Variants in CUX1 observed in about 807,000 individuals in gnomAD.
The protein encoded by CUX1 is cut like homeobox 1, also known as protein CASP.
CUX1 carries 31 observed loss-of-function variants against 158.8 expected under a neutral mutation model. That is an observed-to-expected ratio of 0.20 (90% CI 0.15 to 0.26). The LOEUF is 0.26. Among genes scored for constraint, CUX1 ranks in the 10% least tolerant of loss-of-function variants. The pLI is 1.00. For synonymous variants in CUX1, 879 were observed against 862.1 expected (o/e 1.02, Z -0.34); for missense variants, 1,589 against 2,014.6 (o/e 0.79, Z 4.04).
chr7:102,132,925 C>T (rs1159176856), intron 8 of CUX1, among the ~76,000 whole-genome samples: 1 of 152,200 alleles, frequency 6.6e-6, no homozygotes, highest in African/African-American at 2.4e-5. Flanking sequence ...CCTGCCTCAG[C>T]CTCCCAAAGT....
intron 2 of CUX1, among the ~76,000 whole-genome samples, chr7:101,968,569 C>T (rs1426537593): frequency 6.6e-6 from 1 of 152,110 alleles, no homozygotes; most frequent in Non-Finnish European, 1.5e-5. Flanking sequence ...GTTACAGGCG[C>T]GTACCACCGT....
intron 1 of CUX1, among the ~76,000 whole-genome samples, chr7:101,876,740 A>AAT (rs894352011): frequency 2.0e-4 from 30 of 152,126 alleles, no homozygotes; most frequent in African/African-American, 6.8e-4. Context: ...AATGATAGTT[A>AAT]ATATATATAT....
intron 6 of CUX1, among the ~76,000 whole-genome samples, chr7:102,106,089 T>C (rs1175088832): frequency 4.7e-5 from 6 of 127,494 alleles, no homozygotes; most frequent in African/African-American, 1.8e-4. Flanking sequence ...CTTTTTTTTT[T>C]TTTTTTTTTT....
intron 1 of CUX1, among the ~76,000 whole-genome samples, chr7:101,894,356 C>G (rs1003321674): frequency 1.8e-4 from 27 of 152,334 alleles, no homozygotes; most frequent in African/African-American, 6.3e-4. Flanking sequence ...CTCTGTCGCC[C>G]AGGCTGGAGT....
At chr7:102,195,830 T>A (rs1554518153) in intron 14 of CUX1, among the ~76,000 whole-genome samples, 3 of 152,076 alleles carry the variant, frequency 2.0e-5, no homozygotes, top group Non-Finnish European at 4.4e-5. Context: ...CCGCACAGGC[T>A]CTGCGGAGGT....
intron 9 of CUX1, 61 bp from the exon 10 acceptor site, chr7:102,170,385 A>G (rs1554510045): frequency 6.0e-6 from 7 of 1,162,980 alleles, no homozygotes; most frequent in Non-Finnish European, 8.7e-6. Flanking sequence ...ATGTTCTTGT[A>G]ATAATTGTCA....
chr7:102,227,124 G>A (rs1362552725), intron 20 of CUX1, among the ~76,000 whole-genome samples: 4 of 152,004 alleles, frequency 2.6e-5, no homozygotes, highest in Non-Finnish European at 5.9e-5. Flanking sequence ...TAAGCCTTCC[G>A]AAGCCTTTCT....
At position 102,256,323 on chromosome 7, in the gene CUX1, AATT is replaced by A; in HGVS notation, c.*7285_*7287del. On this transcript the variant is annotated 3_prime_UTR_variant, in exon 24 of 24. Transcript: ENST00000292535. Reference sequence around the variant, plus strand: ...AAGGATGTTTCCTTGAGAAAAAAAAAATTATTTCTATCCTCTTCTATTTATTAT... The same window carrying A: ...AAGGATGTTTCCTTGAGAAAAAAAAAATTTCTATCCTCTTCTATTTATTAT... 1 of 984,994 alleles carries A rather than the reference AATT, an allele frequency of 1.0e-6. No individual in the cohort carries two copies. Among genetic ancestry groups the A allele is most frequent in the Non-Finnish European group, 1.2e-6 (1 of 829,602 alleles). The allele number at this position is 984,994 out of a possible 1,614,324, so 61.0% of individuals were successfully genotyped here.
At chr7:102,221,109 C>G (rs1469361251) in intron 20 of CUX1, among the ~76,000 whole-genome samples, 1 of 152,192 alleles carries the variant, frequency 6.6e-6, no homozygotes, top group African/African-American at 2.4e-5. Flanking sequence ...CCATACGTGT[C>G]TGTCTGTATA....
intron 4 of CUX1, among the ~76,000 whole-genome samples, chr7:102,093,846 A>T (rs1554483124): frequency 6.6e-6 from 1 of 152,150 alleles, no homozygotes; most frequent in African/African-American, 2.4e-5. Context: ...GTTGAATCGG[A>T]GGAGGAGGAG....
intron 4 of CUX1, among the ~76,000 whole-genome samples, chr7:102,082,572 G>C (rs1827546655): frequency 6.8e-6 from 1 of 147,226 alleles, no homozygotes; most frequent in African/African-American, 2.4e-5. Context: ...CAAGTGTGCA[G>C]TGTGATAGCG....
chr7:102,060,986 A>G (rs1173015722), intron 3 of CUX1, among the ~76,000 whole-genome samples: 4 of 131,916 alleles, frequency 3.0e-5, no homozygotes, highest in Non-Finnish European at 6.1e-5. Flanking sequence ...GTGCAGTGGC[A>G]TGATCTCAGC....
chr7:102,189,231 C>T (rs1187122114), intron 11 of CUX1, among the ~76,000 whole-genome samples: 1 of 152,040 alleles, frequency 6.6e-6, no homozygotes, highest in Non-Finnish European at 1.5e-5. Context: ...TAAAACCACA[C>T]GCTGCTTTTC....
rs1801658449 is a variant in CUX1 at position 102,252,849 on chromosome 7, C to T, written c.*3807C>T. Reference sequence around the variant, plus strand: ...GGGTTATCAGAGCCATGGAGCTTAGCTCAATTGGATTCTTCTAGACGATCT... The same window carrying T: ...GGGTTATCAGAGCCATGGAGCTTAGTTCAATTGGATTCTTCTAGACGATCT... On this transcript the variant is annotated 3_prime_UTR_variant, in exon 24 of 24. Coordinates refer to ENST00000292535, the MANE Select transcript of CUX1 (RefSeq NM_181552.4). 1 of 985,330 alleles carries T rather than the reference C, an allele frequency of 1.0e-6. No individual in the cohort carries two copies. Among genetic ancestry groups the T allele is most frequent in the Admixed American group, 6.1e-5 (1 of 16,262 alleles). 61.0% of individuals were successfully genotyped at this position (985,330 alleles called of 1,614,324 possible). A position where few individuals can be genotyped will look rare whatever the true frequency, so the allele number is the denominator to read the frequency against.
chr7:102,274,491 C>G (rs1791459242), intron 16 of CUX1, among the ~76,000 whole-genome samples: 1 of 152,230 alleles, frequency 6.6e-6, no homozygotes, highest in Non-Finnish European at 1.5e-5. Flanking sequence ...TGGCGCACAC[C>G]TATAGTCCCG....
chr7:102,046,569 A>ATTT (rs55753644), intron 3 of CUX1, among the ~76,000 whole-genome samples: 7 of 55,480 alleles, frequency 1.3e-4, no homozygotes, highest in African/African-American at 1.6e-4. Context: ...TTTGGTTTGG[A>ATTT]TTTTTTTTTT....
intron 2 of CUX1, among the ~76,000 whole-genome samples, chr7:101,922,605 TG>T (rs1440768579): frequency 6.6e-6 from 1 of 152,100 alleles, no homozygotes; most frequent in Admixed American, 6.6e-5. Context: ...GGAGAACCAG[TG>T]GGTCACCTCT....
At position 102,201,913 on chromosome 7, in the gene CUX1, A is replaced by T; in HGVS notation, c.2616A>T (p.Gly872=). The change falls in exon 18 of 24, where the codon GGA becomes GGT. Residue 872 remains glycine, a synonymous_variant. Coordinates refer to ENST00000292535, the MANE Select transcript of CUX1 (RefSeq NM_181552.4). The surrounding 1 kb of genome is among the most constrained non-coding windows in gnomAD (Gnocchi z 5.0). ...GGGCCGAGCGCAGTCAGCTCCAGGGACCCTCGTCGTCAGAGTACTGGAAGG... is the reference window on the plus strand; with the variant it reads ...GGGCCGAGCGCAGTCAGCTCCAGGGTCCCTCGTCGTCAGAGTACTGGAAGG... The part of the protein sequence containing the change: ...QPRAERSQLQ[G]PSSSEYWKEW... 6.2e-7 allele frequency: 1 copy of T among 1,613,894 alleles called. No individual in the cohort carries two copies. The highest frequency in any genetic ancestry group is 8.5e-7 in the Non-Finnish European group (1 of 1,179,986).
intron 8 of CUX1, chr7:102,153,426 C>T (rs1835909486): frequency 6.6e-6 from 1 of 152,370 alleles, no homozygotes; most frequent in Admixed American, 6.5e-5. Context: ...GCCACGCCTC[C>T]AGCTTTTCAG....
Sources: allele counts gnomAD v4.1 joint callset (sites outside exome capture counted in the v4.1 genomes callset), GRCh38; gene constraint gnomAD v4.1.1; non-coding constraint Gnocchi (gnomAD v3.1); transcripts MANE v1.5; gene names NCBI Gene and HGNC (gene_info 2026-07-23, HGNC 2026-07-21).